The following ZNF469 variants were observed in gnomAD, a reference collection of about 807,000 sequenced individuals.
ZNF469 encodes zinc finger protein 469.
A neutral mutation model predicts 1.0 loss-of-function variants in ZNF469; 1 was observed. The observed-to-expected ratio is 1.00, with a 90% CI of 0.35 to 4.73. The LOEUF is 4.73. ZNF469 is among the 30% of genes most tolerant of loss of function. ZNF469 has a pLI of 0.16. For synonymous variants in ZNF469, 2,703 were observed against 2,363.4 expected (o/e 1.14, Z -4.17); for missense variants, 6,100 against 5,356.3 (o/e 1.14, Z -4.33).
the ZNF469 span, among the ~76,000 whole-genome samples, chr16:88,103,196 T>C: frequency 6.6e-6 from 1 of 150,562 alleles, no homozygotes; most frequent in Non-Finnish European, 1.5e-5. Context: ...CGGTGGCTTT[T>C]TGGTTAAAAA....
chr16:88,183,803 C>G, the ZNF469 span, among the ~76,000 whole-genome samples: 15 of 152,288 alleles, frequency 9.8e-5, no homozygotes, highest in African/African-American at 3.6e-4. Context: ...GCCCAGGACC[C>G]GGCCACAGGA....
chr16:88,224,695 G>GTC, the ZNF469 span, among the ~76,000 whole-genome samples: 1 of 152,238 alleles, frequency 6.6e-6, no homozygotes. Context: ...CTGCCCGTGT[G>GTC]TCTCTGTGTG....
the ZNF469 span, among the ~76,000 whole-genome samples, chr16:88,252,793 A>C: frequency 6.6e-6 from 1 of 152,180 alleles, no homozygotes; most frequent in Non-Finnish European, 1.5e-5. Flanking sequence ...AGCCTATATA[A>C]TCAACACTCA....
At chr16:88,152,657 C>A in the ZNF469 span, among the ~76,000 whole-genome samples, 3,524 of 152,224 alleles carry the variant, frequency 0.023, 142 homozygotes, top group African/African-American at 0.081. The surrounding 1 kb of genome is among the most constrained non-coding windows in gnomAD (Gnocchi z 4.2). Context: ...TTTGCCCCTA[C>A]CTGGGCCTCT....
In ZNF469 at chr16:88,428,058, T is replaced by C. The variant is rs1483952691; in HGVS notation, c.588T>C (p.Tyr196=). ...EPPSSFTSTN[Y]TSPSATPRPP... ...CCTCCAGCTTTACCTCCACCAACTA[T>C]ACCTCACCAAGCGCCACCCCCAGGC... Residue 196 remains tyrosine (Y), a synonymous_variant, in exon 3 of 3, where the codon TAT becomes TAC. Transcript: ENST00000565624. 5 of 1,549,400 alleles carry C rather than the reference T, an allele frequency of 3.2e-6. No individual in the cohort carries two copies. The African/African-American group carries it at 6.9e-5, about 21-fold the overall frequency.
the ZNF469 span, among the ~76,000 whole-genome samples, chr16:88,331,570 C>T: frequency 6.7e-6 from 1 of 148,942 alleles, no homozygotes; most frequent in East Asian, 2.1e-4. Context: ...TCACCATCAC[C>T]ACCACCACCA....
chr16:88,376,688 C>T, the ZNF469 span, among the ~76,000 whole-genome samples: 3 of 152,262 alleles, frequency 2.0e-5, no homozygotes, highest in Admixed American at 6.5e-5. Flanking sequence ...CAGCTGCCCA[C>T]GGCCCCAGCA....
the ZNF469 span, among the ~76,000 whole-genome samples, chr16:88,351,968 C>T: frequency 1.3e-5 from 2 of 152,170 alleles, no homozygotes; most frequent in African/African-American, 2.4e-5. Context: ...CCCTCCGCCC[C>T]GAGGAGAAAT....
the ZNF469 span, among the ~76,000 whole-genome samples, chr16:88,349,271 C>A: frequency 1.3e-5 from 2 of 152,128 alleles, no homozygotes; most frequent in African/African-American, 4.8e-5. Context: ...CGAGGCTCTA[C>A]ACGCACAGGT....
At chr16:88,284,708 G>A in the ZNF469 span, among the ~76,000 whole-genome samples, 1 of 152,046 alleles carries the variant, frequency 6.6e-6, no homozygotes, top group Non-Finnish European at 1.5e-5. Flanking sequence ...AAGGAGAGCA[G>A]CAGGTGCTAA....
At chr16:88,121,256 A>T in the ZNF469 span, among the ~76,000 whole-genome samples, 1 of 150,234 alleles carries the variant, frequency 6.7e-6, no homozygotes, top group African/African-American at 2.4e-5. Flanking sequence ...GGGGCGCTGT[A>T]CTTGGTGCTC....
intron 1 of ZNF469, among the ~76,000 whole-genome samples, chr16:88,389,786 T>A (rs1247238100): frequency 6.6e-6 from 1 of 152,162 alleles, no homozygotes; most frequent in Non-Finnish European, 1.5e-5. Flanking sequence ...CATGGGGACC[T>A]CAAGGCTGTG....
At chr16:88,113,709 T>G in the ZNF469 span, among the ~76,000 whole-genome samples, 59 of 152,312 alleles carry the variant, frequency 3.9e-4, no homozygotes, top group African/African-American at 1.4e-3. Flanking sequence ...AAGTGGCCCC[T>G]CTGGGACAGG....
chr16:88,108,501 A>T, the ZNF469 span, among the ~76,000 whole-genome samples: 8 of 152,224 alleles, frequency 5.3e-5, no homozygotes, highest in African/African-American at 1.7e-4. Context: ...CAGGCTGTCA[A>T]GTTGCACAAA....
At chr16:88,369,923 C>G in the ZNF469 span, among the ~76,000 whole-genome samples, 488 of 152,350 alleles carry the variant, frequency 3.2e-3, 6 homozygotes, top group African/African-American at 0.011. Flanking sequence ...GACCCACCTC[C>G]CTGAGCACAG....
At position 88,434,489 on chromosome 16, in the gene ZNF469, G is replaced by C; in HGVS notation, c.7019G>C (p.Arg2340Thr). The C allele has an allele frequency of 6.5e-7, 1 of 1,550,132 alleles. No individual in the cohort carries two copies. The highest frequency in any genetic ancestry group is 1.2e-5 in the South Asian group (1 of 84,064). The change falls in exon 3 of 3, where the codon AGG becomes ACG. Residue 2340 changes from arginine to threonine, a missense_variant. Arg to Thr is a moderately conservative substitution (Grantham distance 71). Coordinates refer to ENST00000565624, the MANE Select transcript of ZNF469 (RefSeq NM_001367624.2). Reference protein sequence around the residue: ...SPSNTARLGHREGQAVTAVPT... With the variant: ...SPSNTARLGHTEGQAVTAVPT... ...AGCAATACTGCCCGCCTCGGCCACAGGGAGGGCCAGGCTGTCACAGCTGTG... is the reference window on the plus strand; with the variant it reads ...AGCAATACTGCCCGCCTCGGCCACACGGAGGGCCAGGCTGTCACAGCTGTG...
chr16:88,200,706 C>T, the ZNF469 span, among the ~76,000 whole-genome samples: 1 of 152,244 alleles, frequency 6.6e-6, no homozygotes, highest in Non-Finnish European at 1.5e-5. Flanking sequence ...CTTCTAAAGC[C>T]ACTGGAAGAG....
At chr16:88,193,426 T>C in the ZNF469 span, among the ~76,000 whole-genome samples, 1 of 152,178 alleles carries the variant, frequency 6.6e-6, no homozygotes, top group African/African-American at 2.4e-5. Flanking sequence ...AGGCCAAGCA[T>C]GGTGGCTCAC....
At chr16:88,340,573 C>A in the ZNF469 span, among the ~76,000 whole-genome samples, 1 of 152,198 alleles carries the variant, frequency 6.6e-6, no homozygotes, top group African/African-American at 2.4e-5. Context: ...GGCTTTGCAG[C>A]CAGAAAGTCT....
Sources: gnomAD v4.1 joint callset for allele counts (sites outside exome capture counted in the v4.1 genomes callset) on GRCh38, gnomAD v4.1.1 for gene constraint, Gnocchi (gnomAD v3.1) non-coding constraint, MANE v1.5 for transcripts, NCBI Gene and HGNC (gene_info 2026-07-23, HGNC 2026-07-21) for gene names.